PTPRJ: variants seen among roughly 807,000 people sequenced by gnomAD.
The protein encoded by PTPRJ is receptor-type tyrosine-protein phosphatase eta.
PTPRJ carries 129 observed loss-of-function variants against 141.3 expected under a neutral mutation model. That is an observed-to-expected ratio of 0.91 (90% CI 0.79 to 1.06). The LOEUF (loss-of-function observed/expected upper bound fraction) is 1.06, where lower values mean the gene tolerates loss of function less well. Ranked by LOEUF, PTPRJ falls within the 50% of genes least tolerant of loss-of-function variation. PTPRJ has a pLI of 0.00. For missense variants in PTPRJ, 1,601 were observed against 1,679.7 expected (o/e 0.95, Z 0.82); for synonymous variants, 610 against 640.5 (o/e 0.95, Z 0.72).
intron 24 of PTPRJ, among the ~76,000 whole-genome samples, chr11:48,165,151 A>G (rs775617987): frequency 3.4e-4 from 52 of 152,222 alleles, no homozygotes; most frequent in Non-Finnish European, 5.1e-4. Context: ...AAACTCATAA[A>G]ACTGGTATTT....
Position 48,088,609 on chromosome 11 carries a change from G to GGCCTTCTA in PTPRJ, c.97-21448_97-21441dup, listed in dbSNP as rs1351964472. Among the ~76,000 whole-genome samples the GGCCTTCTA allele has an allele frequency of 2.6e-5, 4 of 152,288 alleles. No individual in the cohort carries two copies. In the East Asian group the frequency reaches 7.7e-4, roughly 29 times the overall value. ...CCACCTTTGCTCTTGGTGTCCAGTG[G>GGCCTTCTA]GCCTTCTATGGGCCCTCTATAGAGG... is the stretch of plus-strand genomic sequence containing the variant. On this transcript the variant is annotated intron_variant, in intron 1 of 24. Transcript: ENST00000418331.
At chr11:47,984,221 C>G (rs1323592096) in intron 1 of PTPRJ, among the ~76,000 whole-genome samples, 1 of 152,040 alleles carries the variant, frequency 6.6e-6, no homozygotes, top group Non-Finnish European at 1.5e-5. Flanking sequence ...TCCAAATGAG[C>G]AATTTTGGTC....
At chr11:48,133,972 G>A (rs572320850) in intron 8 of PTPRJ, among the ~76,000 whole-genome samples, 2 of 152,164 alleles carry the variant, frequency 1.3e-5, no homozygotes, top group Non-Finnish European at 2.9e-5. Flanking sequence ...GGGCATTATT[G>A]TTTAATGGCT....
At chr11:48,160,313 C>A (rs1483151872) in intron 22 of PTPRJ, among the ~76,000 whole-genome samples, 2 of 152,230 alleles carry the variant, frequency 1.3e-5, no homozygotes, top group African/African-American at 4.8e-5. Context: ...ACATCAGGAA[C>A]TCTTTCCTTT....
chr11:48,070,074 G>C (rs533794536), intron 1 of PTPRJ, among the ~76,000 whole-genome samples: 10 of 152,302 alleles, frequency 6.6e-5, no homozygotes, highest in African/African-American at 2.4e-4. Flanking sequence ...GCTCTCCTCA[G>C]CCAGTTGGTC....
intron 1 of PTPRJ, among the ~76,000 whole-genome samples, chr11:48,100,457 A>G (rs1052076314): frequency 2.6e-5 from 4 of 152,206 alleles, no homozygotes; most frequent in African/African-American, 4.8e-5. Context: ...ATATAATTTA[A>G]TACTTGTCAC....
At chr11:48,163,006 A>G (rs980699399) in intron 22 of PTPRJ, among the ~76,000 whole-genome samples, 8 of 152,154 alleles carry the variant, frequency 5.3e-5, no homozygotes, top group African/African-American at 1.9e-4. Flanking sequence ...ACTGATTATC[A>G]TGGTGTATTT....
chr11:47,987,713 A>G (rs1166993977), intron 1 of PTPRJ, among the ~76,000 whole-genome samples: 5 of 152,072 alleles, frequency 3.3e-5, no homozygotes, highest in African/African-American at 1.2e-4. Flanking sequence ...TTTTTTTACC[A>G]CCTTGTATGG....
At chr11:48,080,916 T>C (rs981644064) in intron 1 of PTPRJ, among the ~76,000 whole-genome samples, 3 of 152,220 alleles carry the variant, frequency 2.0e-5, no homozygotes, top group Non-Finnish European at 2.9e-5. Context: ...TTGGGGGCAC[T>C]CAGGAATTGC....
intron 1 of PTPRJ, among the ~76,000 whole-genome samples, chr11:48,072,768 C>T (rs888417139): frequency 2.0e-5 from 3 of 152,000 alleles, no homozygotes; most frequent in African/African-American, 7.3e-5. Flanking sequence ...TACTGGTGTG[C>T]AGGATGATTT....
chr11:48,071,931 A>G, intron 1 of PTPRJ, among the ~76,000 whole-genome samples: 1 of 110,384 alleles, frequency 9.1e-6, no homozygotes, highest in Non-Finnish European at 1.8e-5. Context: ...TTTGAGACAG[A>G]GTCTCACTCT....
At chr11:48,016,481 C>A (rs1441216841) in intron 1 of PTPRJ, among the ~76,000 whole-genome samples, 1 of 152,208 alleles carries the variant, frequency 6.6e-6, no homozygotes, top group Non-Finnish European at 1.5e-5. Context: ...CAATGTGAAC[C>A]CACGGTACCT....
intron 22 of PTPRJ, among the ~76,000 whole-genome samples, chr11:48,160,969 G>A (rs1857756736): frequency 6.6e-6 from 1 of 151,976 alleles, no homozygotes; most frequent in African/African-American, 2.4e-5. Flanking sequence ...TTTGAGACCA[G>A]CTTGGGCAAC....
chr11:48,031,965 C>T (rs1853996443), intron 1 of PTPRJ, among the ~76,000 whole-genome samples: 2 of 152,168 alleles, frequency 1.3e-5, no homozygotes, highest in Admixed American at 1.3e-4. Flanking sequence ...AACGTTAGAG[C>T]TTAGCATCAT....
intron 1 of PTPRJ, among the ~76,000 whole-genome samples, chr11:48,091,578 T>G (rs1201074547): frequency 6.6e-6 from 1 of 152,216 alleles, no homozygotes; most frequent in Non-Finnish European, 1.5e-5. Flanking sequence ...AGCTCTTGAC[T>G]TGGCCTTCTC....
intron 1 of PTPRJ, among the ~76,000 whole-genome samples, chr11:47,982,477 G>T (rs1381995333): frequency 6.6e-6 from 1 of 152,142 alleles, no homozygotes; most frequent in East Asian, 1.9e-4. Flanking sequence ...TGCCTGTGGG[G>T]GCTGTCTTCT....
intron 11 of PTPRJ, among the ~76,000 whole-genome samples, chr11:48,140,787 G>C (rs1857213584): frequency 6.6e-6 from 1 of 152,170 alleles, no homozygotes; most frequent in African/African-American, 2.4e-5. Flanking sequence ...ACTTAACTTA[G>C]TATATTAAAA....
chr11:48,159,678 T>C (rs772715658), intron 21 of PTPRJ, among the ~76,000 whole-genome samples: 9 of 152,118 alleles, frequency 5.9e-5, no homozygotes, highest in Admixed American at 4.6e-4. Flanking sequence ...ATTGCTTGAG[T>C]GCAGGAATTG....
At chr11:47,998,815 C>G (rs1854411129) in intron 1 of PTPRJ, among the ~76,000 whole-genome samples, 1 of 152,168 alleles carries the variant, frequency 6.6e-6, no homozygotes, top group Non-Finnish European at 1.5e-5. Context: ...CTTGAATAAT[C>G]TGTCTCAGGC....
Sources: allele counts gnomAD v4.1 joint callset (sites outside exome capture counted in the v4.1 genomes callset), GRCh38; gene constraint gnomAD v4.1.1; transcripts MANE v1.5; gene names NCBI Gene and HGNC (gene_info 2026-07-23, HGNC 2026-07-21).